Variants in ADGRA3 observed in about 807,000 individuals in gnomAD.
ADGRA3 encodes the protein adhesion G protein-coupled receptor A3.
A neutral mutation model predicts 119.8 loss-of-function variants in ADGRA3; 56 were observed. The observed-to-expected ratio is 0.47, with a 90% confidence interval of 0.38 to 0.58. The LOEUF is 0.58. ADGRA3 is among the 20% of genes least tolerant of loss of function. The pLI, the probability that ADGRA3 is intolerant of heterozygous loss-of-function variation, is 0.00. For missense variants in ADGRA3, 1,516 were observed against 1,649.0 expected (o/e 0.92, Z 1.40); for synonymous variants, 607 against 623.8 (o/e 0.97, Z 0.40).
At chr4:22,507,236 T>A (rs1463723784) in intron 1 of ADGRA3, among the ~76,000 whole-genome samples, 1 of 151,692 alleles carries the variant, frequency 6.6e-6, no homozygotes, top group Non-Finnish European at 1.5e-5. Flanking sequence ...CAAGATTCCA[T>A]CTCAAAAAAA....
chr4:22,413,038 A>C, intron 14 of ADGRA3, 144 bp downstream of exon 14: 1 of 645,496 alleles, frequency 1.5e-6, no homozygotes, highest in Non-Finnish European at 2.7e-6. Flanking sequence ...AACACATATC[A>C]TCTCATATAA....
At chr4:22,396,724 A>G (rs1560295304) in intron 16 of ADGRA3, among the ~76,000 whole-genome samples, 1 of 151,602 alleles carries the variant, frequency 6.6e-6, no homozygotes, top group Non-Finnish European at 1.5e-5. Flanking sequence ...AGGGAAACAC[A>G]TTATAAACAT....
At chr4:22,410,730 T>C (rs762856655) in intron 14 of ADGRA3, among the ~76,000 whole-genome samples, 10 of 152,158 alleles carry the variant, frequency 6.6e-5, no homozygotes, top group Non-Finnish European at 1.2e-4. Flanking sequence ...TAAAAGTGGG[T>C]ATAATTTCAT....
At chr4:22,425,483 C>T (rs369904307) in intron 10 of ADGRA3, among the ~76,000 whole-genome samples, 4 of 152,110 alleles carry the variant, frequency 2.6e-5, no homozygotes, top group East Asian at 3.9e-4. Flanking sequence ...GCTAATGAGA[C>T]GTACTGGTGT....
At chr4:22,399,186 CCTG>C (rs771080808) in intron 16 of ADGRA3, among the ~76,000 whole-genome samples, 6 of 152,184 alleles carry the variant, frequency 3.9e-5, no homozygotes, top group Non-Finnish European at 7.3e-5. Context: ...CATCCATTCT[CCTG>C]CTACTTTTTC....
intron 14 of ADGRA3, among the ~76,000 whole-genome samples, chr4:22,411,222 C>A (rs1048124779): frequency 2.6e-5 from 4 of 152,214 alleles, no homozygotes; most frequent in African/African-American, 9.7e-5. Flanking sequence ...CTCATCAGTA[C>A]ATCACAGTTT....
rs1450781538 is a variant in ADGRA3, at chr4:22,402,663, T to C, written c.2357+12A>G. The C allele has an allele frequency of 1.2e-6, 2 of 1,607,794 alleles. No homozygotes were observed. The highest frequency in any genetic ancestry group is 2.7e-5 in the African/African-American group (2 of 74,592). On this transcript the variant is annotated intron_variant, in intron 15 of 18. Coordinates refer to ENST00000334304, the MANE Select transcript of ADGRA3 (RefSeq NM_145290.4). ...AGTCCGCAGATCTATTTTGTCGAGA[T>C]GTATTTCTTACCTGTGATGGTATAT...
chr4:22,458,741 T>C (rs1236162645), intron 3 of ADGRA3, among the ~76,000 whole-genome samples: 3 of 152,104 alleles, frequency 2.0e-5, no homozygotes, highest in African/African-American at 7.2e-5. Context: ...ATGCTTACCT[T>C]CCTTACCTAG....
chr4:22,431,095 G>C (rs1216874893), intron 10 of ADGRA3, among the ~76,000 whole-genome samples: 3 of 152,202 alleles, frequency 2.0e-5, no homozygotes, highest in Non-Finnish European at 1.5e-5. Flanking sequence ...TGCTGCAGGG[G>C]TAGGGCTCTC....
chr4:22,479,094 C>T (rs1215596108), intron 1 of ADGRA3, among the ~76,000 whole-genome samples: 1 of 152,084 alleles, frequency 6.6e-6, no homozygotes, highest in Non-Finnish European at 1.5e-5. Flanking sequence ...AAAAGCTCAT[C>T]ATCAATGGTC....
In ADGRA3 at chr4:22,413,221, C is replaced by T. The variant is rs1417781072; in HGVS notation, c.2193G>A (p.Thr731=). Residue 731 remains threonine (T), a synonymous_variant, in exon 14 of 19, where the codon ACG becomes ACA. Coordinates refer to ENST00000334304, the MANE Select transcript of ADGRA3 (RefSeq NM_145290.4). ...AGTTACTAAGGGAGTAGCACTGAAT[C>T]GTAGTGATATTTTCATCTGAATAGA... is the stretch of plus-strand genomic sequence containing the variant. ...HILYSDENIT[T]IQCYSLSNYA... The T allele has an allele frequency of 8.7e-6, 14 of 1,613,798 alleles. No individual in the cohort carries two copies. Among genetic ancestry groups the T allele is most frequent in the Middle Eastern group, 1.6e-4 (1 of 6,082 alleles).
chr4:22,506,413 C>G (rs982943849), intron 1 of ADGRA3, among the ~76,000 whole-genome samples: 2 of 152,080 alleles, frequency 1.3e-5, no homozygotes, highest in African/African-American at 2.4e-5. Flanking sequence ...CTTAGCCAGG[C>G]ATGGTGGTGC....
rs188369915 is a variant in ADGRA3 at position 22,413,943 on chromosome 4, T to C, written c.1810-129A>G. On this transcript the variant is annotated intron_variant, in intron 12 of 18. Coordinates refer to ENST00000334304, the MANE Select transcript of ADGRA3 (RefSeq NM_145290.4). ...CATTTTTTAAATTGGATATACAAAA[T>C]TTAACAGTTAAAAAAATCATCAGTC... is the stretch of plus-strand genomic sequence containing the variant. The C allele has an allele frequency of 1.6e-4, 93 of 591,252 alleles. No homozygotes were observed. In the African/African-American group the frequency reaches 1.7e-3, roughly 11 times the overall value. 36.6% of individuals were successfully genotyped at this position (591,252 alleles called of 1,614,324 possible).
At chr4:22,515,475 G>A (rs1719618623) in intron 1 of ADGRA3, 53 bp downstream of exon 1, 2 of 1,575,256 alleles carry the variant, frequency 1.3e-6, no homozygotes, top group East Asian at 2.4e-5. Flanking sequence ...GTTGAGCGGA[G>A]AGATAAGAAA....
At chr4:22,460,497 A>G (rs182505255) in intron 3 of ADGRA3, among the ~76,000 whole-genome samples, 2 of 152,234 alleles carry the variant, frequency 1.3e-5, no homozygotes, top group African/African-American at 2.4e-5. Context: ...AGGAATCTAC[A>G]TAACAAACAT....
intron 2 of ADGRA3, among the ~76,000 whole-genome samples, chr4:22,470,555 A>G (rs1717824204): frequency 1.3e-5 from 2 of 152,156 alleles, no homozygotes; most frequent in South Asian, 4.1e-4. Flanking sequence ...TGAAATTCTG[A>G]CCTTGGTGTG....
intron 12 of ADGRA3, among the ~76,000 whole-genome samples, chr4:22,415,618 T>C (rs1271796879): frequency 6.6e-6 from 1 of 152,038 alleles, no homozygotes. Flanking sequence ...TTATTAAAAC[T>C]CAAGTACTAT....
At chr4:22,414,920 C>T (rs372080151) in intron 12 of ADGRA3, among the ~76,000 whole-genome samples, 1 of 152,156 alleles carries the variant, frequency 6.6e-6, no homozygotes, top group African/African-American at 2.4e-5. Context: ...GAATGAAAAA[C>T]GTTGGCAGCC....
intron 1 of ADGRA3, among the ~76,000 whole-genome samples, chr4:22,475,494 G>T (rs1043799877): frequency 6.6e-6 from 1 of 152,154 alleles, no homozygotes. Context: ...TTGGGAGGCC[G>T]AGGCGGGTGG....
Sources: allele counts gnomAD v4.1 joint callset (sites outside exome capture counted in the v4.1 genomes callset), GRCh38; gene constraint gnomAD v4.1.1; transcripts MANE v1.5; gene names NCBI Gene and HGNC (gene_info 2026-07-23, HGNC 2026-07-21).